Variants in REXO5 observed in about 807,000 individuals in gnomAD.
REXO5 encodes RNA exonuclease 5, also known as exonuclease NEF-sp.
In REXO5, 48 loss-of-function variants were observed where a neutral mutation model predicts 88.5. The observed-to-expected ratio is 0.54, with a 90% CI of 0.43 to 0.69. The LOEUF is 0.69. REXO5 is among the 30% of genes least tolerant of loss of function. REXO5 has a pLI of 0.00. For missense variants in REXO5, 749 were observed against 912.2 expected, an observed-to-expected ratio of 0.82 and a Z score of 2.30; for synonymous variants, 311 against 336.5, an observed-to-expected ratio of 0.92 and a Z score of 0.83.
At chr16:20,846,163 T>C (rs1003561645) in intron 18 of REXO5, 58 bp from the exon 19 acceptor site, 4 of 1,354,676 alleles carry the variant, frequency 3.0e-6, no homozygotes, top group Non-Finnish European at 4.2e-6. Context: ...GTTGCAGCCC[T>C]TCCAAAGGTA....
intron 11 of REXO5, among the ~76,000 whole-genome samples, chr16:20,831,875 TCCTTTTTCAATCAGCCCTACTTGGC>T (rs1290885499): frequency 3.3e-5 from 5 of 152,306 alleles, no homozygotes; most frequent in African/African-American, 1.2e-4. Context: ...AAAATTGACA[TCCTTTTTCAATCAGCCCTACTTGGC>T]CCTTCCCCAT....
rs2081275874 is a variant in REXO5, at chr16:20,827,401, C to A, written c.1009C>A (p.Gln337Lys). ...TACATCGTTGCTTTATGTCAGAGAGCAGGGCAGAAGATTTAAGCTCAAGTT... is the reference window on the plus strand; with the variant it reads ...TACATCGTTGCTTTATGTCAGAGAGAAGGGCAGAAGATTTAAGCTCAAGTT... Reference protein sequence around the residue: ...IDTSLLYVREQGRRFKLKFLA... With the variant: ...IDTSLLYVREKGRRFKLKFLA... Residue 337 changes from glutamine (Q) to lysine (K), a missense_variant, in exon 10 of 20, where the codon CAG becomes AAG. Physicochemically the swap from Gln to Lys is moderately conservative, Grantham distance 53. Coordinates refer to ENST00000261377, the MANE Select transcript of REXO5 (RefSeq NM_030941.3). 1 of 1,613,550 alleles carries A rather than the reference C, an allele frequency of 6.2e-7. No homozygotes were observed. Among genetic ancestry groups the A allele is most frequent in the Non-Finnish European group, 8.5e-7 (1 of 1,179,842 alleles).
In REXO5 at chr16:20,840,397, A is replaced by G. The variant is rs1596609340; in HGVS notation, c.1555A>G (p.Arg519Gly). The G allele has an allele frequency of 1.9e-6, 3 of 1,585,378 alleles. No individual in the cohort carries two copies. The East Asian group carries it at 6.8e-5, about 36-fold the overall frequency. ...GCCATTTAGCAAAAATTGCAATCTCAGGGCTCTGAAGAGGCTGTTTAAAAG... is the reference window on the plus strand; with the variant it reads ...GCCATTTAGCAAAAATTGCAATCTCGGGGCTCTGAAGAGGCTGTTTAAAAG... Reference protein sequence around the residue: ...AGPFSKNCNLRALKRLFKSFG... With the variant: ...AGPFSKNCNLGALKRLFKSFG... Residue 519 changes from arginine (R) to glycine (G), a missense_variant, in exon 15 of 20, where the codon AGG becomes GGG. Arg to Gly is a moderately radical substitution (Grantham distance 125). Transcript: ENST00000261377.
At chr16:20,841,954 CT>C (rs2081534041) in intron 15 of REXO5, among the ~76,000 whole-genome samples, 1 of 152,150 alleles carries the variant, frequency 6.6e-6, no homozygotes, top group Non-Finnish European at 1.5e-5. Context: ...AAGATTGTCC[CT>C]GAGAAGATGG....
chr16:20,844,565 A>G, intron 16 of REXO5, 64 bp from the exon 17 acceptor site: 3 of 1,389,786 alleles, frequency 2.2e-6, no homozygotes, highest in Non-Finnish European at 3.0e-6. Flanking sequence ...ACAACTTGCT[A>G]GTATCCAATA....
intron 19 of REXO5, among the ~76,000 whole-genome samples, chr16:20,847,123 C>T (rs988737346): frequency 3.0e-4 from 45 of 152,150 alleles, no homozygotes; most frequent in African/African-American, 9.4e-4. Context: ...GAGATTCTGA[C>T]ATCTGGTTAG....
At chr16:20,808,204 C>T (rs2080938131) in intron 2 of REXO5, among the ~76,000 whole-genome samples, 1 of 152,184 alleles carries the variant, frequency 6.6e-6, no homozygotes, top group South Asian at 2.1e-4. Context: ...GAAACCGGTC[C>T]CTGGTGCCAA....
At chr16:20,843,874 C>A in intron 15 of REXO5, 60 bp from the exon 16 acceptor site, 1 of 1,225,228 alleles carries the variant, frequency 8.2e-7, no homozygotes, top group Non-Finnish European at 1.2e-6. Flanking sequence ...CTTTCCCCAA[C>A]CCCTTCTTTA....
chr16:20,834,438 T>G, intron 13 of REXO5, among the ~76,000 whole-genome samples: 1 of 152,140 alleles, frequency 6.6e-6, no homozygotes, highest in East Asian at 1.9e-4. Context: ...CGGCCAAGTG[T>G]TCTTTTTTAT....
At chr16:20,843,870 C>T in intron 15 of REXO5, 64 bp from the exon 16 acceptor site, 1 of 1,200,604 alleles carries the variant, frequency 8.3e-7, no homozygotes, top group Non-Finnish European at 1.2e-6. Context: ...AATCCTTTCC[C>T]CAACCCCTTC....
At chr16:20,834,420 A>C (rs934753093) in intron 13 of REXO5, among the ~76,000 whole-genome samples, 1 of 152,186 alleles carries the variant, frequency 6.6e-6, no homozygotes, top group African/African-American at 2.4e-5. Flanking sequence ...GGTGTGAGCC[A>C]CCAGGCTCGG....
chr16:20,816,436 C>A (rs2081083385), intron 5 of REXO5, among the ~76,000 whole-genome samples: 1 of 152,144 alleles, frequency 6.6e-6, no homozygotes, highest in African/African-American at 2.4e-5. Context: ...AGCAGTCCTT[C>A]CACCTCAGCC....
intron 2 of REXO5, among the ~76,000 whole-genome samples, chr16:20,811,298 ATTC>A (rs1048192335): frequency 6.6e-6 from 1 of 152,226 alleles, no homozygotes; most frequent in Admixed American, 6.5e-5. Flanking sequence ...AAACTGGCAT[ATTC>A]TTTCAGGAGT....
rs1244981934 is a variant in REXO5 at position 20,821,769 on chromosome 16, A to G, written c.483A>G (p.Leu161=). 1 of 1,580,554 alleles carries G rather than the reference A, an allele frequency of 6.3e-7. No individual in the cohort carries two copies. Among genetic ancestry groups the G allele is most frequent in the Admixed American group, 2.0e-5 (1 of 49,844 alleles). The change falls in exon 6 of 20, where the codon TTA becomes TTG. Residue 161 remains leucine, a synonymous_variant. Coordinates refer to ENST00000261377, the MANE Select transcript of REXO5 (RefSeq NM_030941.3). The stretch of plus-strand genomic sequence containing the variant: ...CAATTGTTTTTCTTTCAGGGCCTTT[A>G]CCTTCTAATGCAAAAGCCGCCATCA... ...GDLPKTMEGP[L]PSNAKAAINL...
intron 2 of REXO5, chr16:20,808,874 A>ATT (rs1300551337): frequency 1.3e-5 from 2 of 149,028 alleles, no homozygotes; most frequent in Non-Finnish European, 3.0e-5. Flanking sequence ...AAGTTCTGGG[A>ATT]TTACAGGCAT....
intron 5 of REXO5, among the ~76,000 whole-genome samples, chr16:20,820,522 ATATATATATATATATATATATATTTTTT>A (rs2081155377): frequency 4.8e-4 from 1 of 2,098 alleles, no homozygotes; most frequent in Non-Finnish European, 1.0e-3. Context: ...TTATATATAT[ATATATATATATATATATATATATTTTTT>A]TTTTTTTTTT....
chr16:20,849,055 T>C (rs1429392972), intron 19 of REXO5, among the ~76,000 whole-genome samples: 1 of 152,258 alleles, frequency 6.6e-6, no homozygotes, highest in Admixed American at 6.5e-5. Context: ...ATGAGACAAG[T>C]GCTTAGAACA....
chr16:20,819,213 G>T (rs566924487), intron 5 of REXO5, among the ~76,000 whole-genome samples: 1 of 151,812 alleles, frequency 6.6e-6, no homozygotes, highest in Admixed American at 6.6e-5. Flanking sequence ...TTCCACCTGC[G>T]CATATCTTTA....
intron 11 of REXO5, among the ~76,000 whole-genome samples, chr16:20,831,214 A>G (rs1448615634): frequency 2.0e-5 from 3 of 151,814 alleles, no homozygotes. Flanking sequence ...TTTTTGTGAA[A>G]CCTTTTAATA....
Sources: gnomAD v4.1 joint callset for allele counts (sites outside exome capture counted in the v4.1 genomes callset) on GRCh38, gnomAD v4.1.1 for gene constraint, MANE v1.5 for transcripts, NCBI Gene and HGNC (gene_info 2026-07-23, HGNC 2026-07-21) for gene names.